The following LPIN1 variants were observed in gnomAD, a reference collection of about 807,000 sequenced individuals.
The protein encoded by LPIN1 is phosphatidate phosphatase LPIN1.
In LPIN1, 71 loss-of-function variants were observed where a neutral mutation model predicts 107.5. That is an observed-to-expected ratio of 0.66 (90% CI 0.55 to 0.80). LPIN1 has a LOEUF of 0.80. Ranked by LOEUF, LPIN1 falls within the 30% of genes least tolerant of loss-of-function variation. The pLI is 0.00. For synonymous variants in LPIN1, 445 were observed against 452.6 expected (o/e 0.98, Z 0.21); for missense variants, 1,043 against 1,160.6 (o/e 0.90, Z 1.47).
In LPIN1 at chr2:11,776,069, C is replaced by G. The variant is rs756520884; in HGVS notation, c.723-17C>G. 37 of 1,474,218 alleles carry G rather than the reference C, an allele frequency of 2.5e-5. 1 individual carries two copies. Among genetic ancestry groups the G allele is most frequent in the South Asian group, 2.3e-4 (19 of 81,030 alleles). The allele number at this position is 1,474,218 out of a possible 1,614,324, so 91.3% of individuals were successfully genotyped here. ...ATTTTGTCTTTCTTTTAATGTGTATCACGTGGTGGTATCCAGTAGCCTGGT... is the reference window on the plus strand; with the variant it reads ...ATTTTGTCTTTCTTTTAATGTGTATGACGTGGTGGTATCCAGTAGCCTGGT... On this transcript the variant is annotated splice_polypyrimidine_tract_variant and intron_variant, in intron 5 of 20. Transcript: ENST00000674199.
At chr2:11,805,521 G>T in intron 17 of LPIN1, 1 of 349,122 alleles carries the variant, frequency 2.9e-6, no homozygotes. Flanking sequence ...GTGATTTTCT[G>T]TAGACTAAAA....
chr2:11,791,959 G>A lies in LPIN1; in HGVS notation c.1759G>A (p.Gly587Arg). The A allele has an allele frequency of 6.2e-7, 1 of 1,614,068 alleles. No individual in the cohort carries two copies. Residue 587 changes from glycine to arginine, a missense_variant, in exon 13 of 21, where the codon GGA (glycine) becomes AGA (arginine). Gly to Arg is a moderately radical substitution (Grantham distance 125). Transcript: ENST00000674199. Reference sequence around the variant, plus strand: ...GAGGGATAAAATGCCCAAAAAGGGAGGAAGATGGTGGTTTTCATGGAGGGG... The same window carrying A: ...GAGGGATAAAATGCCCAAAAAGGGAAGAAGATGGTGGTTTTCATGGAGGGG... ...IMRDKMPKKG[G>R]RWWFSWRGRN...
At chr2:11,703,613 G>A (rs901388040) in intron 1 of LPIN1, among the ~76,000 whole-genome samples, 14 of 152,150 alleles carry the variant, frequency 9.2e-5, no homozygotes, top group Admixed American at 6.5e-4. Context: ...TCAAACTCAC[G>A]GAAGTACAAA....
chr2:11,792,376 C>T (rs908622804), intron 13 of LPIN1: 2 of 236,182 alleles, frequency 8.5e-6, no homozygotes, highest in Admixed American at 1.0e-4. Context: ...TCTTTTTCTC[C>T]CCTCCCCTCC....
At chr2:11,720,653 T>C (rs964468604), upstream of LPIN1, among the ~76,000 whole-genome samples, 1 of 151,794 alleles carries the variant, frequency 6.6e-6, no homozygotes, top group African/African-American at 2.4e-5. Flanking sequence ...CATGAAGAAA[T>C]GGAAGCAATG....
At chr2:11,747,485 A>G (rs532922988) in intron 1 of LPIN1, among the ~76,000 whole-genome samples, 19 of 152,340 alleles carry the variant, frequency 1.2e-4, no homozygotes, top group Non-Finnish European at 2.4e-4. Flanking sequence ...CAGGAAACCA[A>G]CTAAGACAAC....
intron 1 of LPIN1, among the ~76,000 whole-genome samples, chr2:11,708,401 G>A (rs887673518): frequency 5.9e-5 from 9 of 152,120 alleles, no homozygotes; most frequent in African/African-American, 1.4e-4. Context: ...GTCAACCTTC[G>A]ACTGGGAGGA....
At chr2:11,799,586 A>G (rs1270342125) in intron 14 of LPIN1, among the ~76,000 whole-genome samples, 1 of 151,840 alleles carries the variant, frequency 6.6e-6, no homozygotes, top group Non-Finnish European at 1.5e-5. Context: ...GGTTCATAGG[A>G]TCCGTAGGTG....
rs776152626 is a variant in LPIN1 at position 11,802,888 on chromosome 2, A to G, written c.1887-19A>G. ...CAGATGCATTTTCTAATTGGTGATGACATCACTGTGTGTTCCAGGGTAAAG... is the reference window on the plus strand; with the variant it reads ...CAGATGCATTTTCTAATTGGTGATGGCATCACTGTGTGTTCCAGGGTAAAG... On this transcript the variant is annotated intron_variant, in intron 14 of 20. Coordinates refer to ENST00000674199, the MANE Select transcript of LPIN1 (RefSeq NM_001349206.2). The G allele has an allele frequency of 1.9e-6, 3 of 1,612,170 alleles. No individual in the cohort carries two copies. The highest frequency in any genetic ancestry group is 3.3e-5 in the Admixed American group (2 of 60,022).
intron 1 of LPIN1, among the ~76,000 whole-genome samples, chr2:11,726,528 AG>A (rs1343611628): frequency 6.8e-6 from 1 of 147,544 alleles, no homozygotes; most frequent in African/African-American, 2.5e-5. Context: ...AAGCTCCTCC[AG>A]GTCTGGATCA....
chr2:11,728,282 G>T (rs1664859942), intron 1 of LPIN1, among the ~76,000 whole-genome samples: 1 of 152,104 alleles, frequency 6.6e-6, no homozygotes, highest in Admixed American at 6.5e-5. Context: ...ATACAGCTGG[G>T]TCTCGCTTTT....
intron 1 of LPIN1, among the ~76,000 whole-genome samples, chr2:11,735,927 C>G (rs1043987063): frequency 1.3e-5 from 2 of 152,174 alleles, no homozygotes; most frequent in Non-Finnish European, 2.9e-5. Flanking sequence ...TGAGCTATGA[C>G]TCTGGGGGGC....
chr2:11,764,611 G>A (rs961244846), intron 1 of LPIN1, among the ~76,000 whole-genome samples: 4 of 152,236 alleles, frequency 2.6e-5, no homozygotes, highest in Non-Finnish European at 2.9e-5. Flanking sequence ...AGCCCAGAGC[G>A]CTGGTGTTCC....
At chr2:11,782,100 C>T in intron 7 of LPIN1, 101 bp from the exon 8 acceptor site, 1 of 903,884 alleles carries the variant, frequency 1.1e-6, no homozygotes, top group Non-Finnish European at 1.8e-6. Context: ...AAAGTCCCTG[C>T]CTACTTTTGA....
intron 18 of LPIN1, chr2:11,817,193 T>G (rs1240340759): frequency 6.6e-6 from 1 of 152,218 alleles, no homozygotes; most frequent in Non-Finnish European, 1.5e-5. Context: ...TGACCTTCCT[T>G]AGCACAACTC....
intron 1 of LPIN1, among the ~76,000 whole-genome samples, chr2:11,761,966 A>G (rs1405078143): frequency 1.3e-5 from 2 of 152,052 alleles, no homozygotes; most frequent in South Asian, 2.1e-4. Context: ...TTCTGACACC[A>G]TCTACCTGGA....
At chr2:11,792,571 C>T (rs1000139371) in intron 13 of LPIN1, among the ~76,000 whole-genome samples, 17 of 151,968 alleles carry the variant, frequency 1.1e-4, no homozygotes, top group Non-Finnish European at 1.8e-4. Context: ...TTAGTGGAGA[C>T]GGGGTTTTGC....
chr2:11,796,177 C>T (rs916338371), intron 14 of LPIN1, among the ~76,000 whole-genome samples: 1 of 152,202 alleles, frequency 6.6e-6, no homozygotes, highest in African/African-American at 2.4e-5. Context: ...GATTCCATTT[C>T]TTATTTAGCA....
chr2:11,788,875 G>A (rs1471525881), intron 12 of LPIN1, among the ~76,000 whole-genome samples: 4 of 152,206 alleles, frequency 2.6e-5, no homozygotes, highest in African/African-American at 9.6e-5. Flanking sequence ...GTGCTGCTCA[G>A]CCAGGAAGCC....
Sources: allele counts gnomAD v4.1 joint callset (sites outside exome capture counted in the v4.1 genomes callset), GRCh38; gene constraint gnomAD v4.1.1; transcripts MANE v1.5; gene names NCBI Gene and HGNC (gene_info 2026-07-23, HGNC 2026-07-21).